The following NOX4 variants were observed in gnomAD, a reference collection of about 807,000 sequenced individuals.
The protein encoded by NOX4 is kidney oxidase-1.
Under a neutral mutation model 87.6 loss-of-function variants are expected in NOX4, and 69 were observed. The ratio of observed to expected loss-of-function variants is 0.79; its 90% CI spans 0.65 to 0.96. The LOEUF (loss-of-function observed/expected upper bound fraction) is 0.96, where lower values mean the gene tolerates loss of function less well. Among genes scored for constraint, NOX4 ranks in the 40% least tolerant of loss-of-function variants. NOX4 has a pLI of 0.00. For missense variants in NOX4, 680 were observed against 681.5 expected (o/e 1.00, Z 0.02); for synonymous variants, 275 against 238.2 (o/e 1.15, Z -1.42).
At chr11:89,470,800 C>A (rs1302396762) in intron 2 of NOX4, among the ~76,000 whole-genome samples, 1 of 152,144 alleles carries the variant, frequency 6.6e-6, no homozygotes, top group Non-Finnish European at 1.5e-5. Flanking sequence ...TACTTGGCTA[C>A]ATATACTTTT....
intron 12 of NOX4, among the ~76,000 whole-genome samples, chr11:89,356,429 GA>G (rs773039400): frequency 5.1e-5 from 5 of 97,426 alleles, no homozygotes; most frequent in East Asian, 3.3e-4. Flanking sequence ...GAGGAAGGGG[GA>G]AAAAAAAAGG....
At chr11:89,504,389 A>C in the NOX4 span, among the ~76,000 whole-genome samples, 2 of 151,930 alleles carry the variant, frequency 1.3e-5, no homozygotes, top group African/African-American at 4.8e-5. Flanking sequence ...GACATGTTTT[A>C]AGTAGGGATG....
At chr11:89,478,491 T>C (rs1221107690) in intron 2 of NOX4, among the ~76,000 whole-genome samples, 1 of 152,208 alleles carries the variant, frequency 6.6e-6, no homozygotes, top group Non-Finnish European at 1.5e-5. Flanking sequence ...TGTCGACTTT[T>C]CACAAATATT....
At chr11:89,462,314 C>G (rs960739442) in intron 2 of NOX4, among the ~76,000 whole-genome samples, 2 of 152,048 alleles carry the variant, frequency 1.3e-5, no homozygotes. Context: ...TTTACAAACT[C>G]GATGTAACTC....
chr11:89,337,874 T>C (rs1182412805), intron 15 of NOX4, among the ~76,000 whole-genome samples: 1 of 152,038 alleles, frequency 6.6e-6, no homozygotes, highest in African/African-American at 2.4e-5. Flanking sequence ...AGTTTACTCA[T>C]CAAGAACATG....
intron 12 of NOX4, among the ~76,000 whole-genome samples, chr11:89,365,217 T>A (rs1393134573): frequency 6.6e-6 from 1 of 152,100 alleles, no homozygotes; most frequent in Non-Finnish European, 1.5e-5. Context: ...GATCCTTTTA[T>A]TTCCAGGGGG....
intron 8 of NOX4, among the ~76,000 whole-genome samples, chr11:89,416,080 C>G (rs1256230843): frequency 6.6e-6 from 1 of 152,144 alleles, no homozygotes; most frequent in East Asian, 1.9e-4. Flanking sequence ...AAACTTTCCC[C>G]ACTGCCTAGG....
At chr11:89,520,113 C>G in the NOX4 span, among the ~76,000 whole-genome samples, 5 of 151,752 alleles carry the variant, frequency 3.3e-5, no homozygotes, top group Non-Finnish European at 1.5e-5. Context: ...CCCATTAGAA[C>G]TGAAAAGGGT....
chr11:89,390,738 T>G (rs1174082662), intron 11 of NOX4, among the ~76,000 whole-genome samples: 1 of 152,188 alleles, frequency 6.6e-6, no homozygotes, highest in Non-Finnish European at 1.5e-5. Context: ...GACTTCATCA[T>G]AGACCAGATA....
At chr11:89,579,278 G>C in the NOX4 span, among the ~76,000 whole-genome samples, 1 of 152,110 alleles carries the variant, frequency 6.6e-6, no homozygotes, top group African/African-American at 2.4e-5. Flanking sequence ...ACAACACCAA[G>C]AGTAAATCCT....
At chr11:89,402,657 A>C in intron 8 of NOX4, 115 bp from the exon 9 acceptor site, 1 of 785,866 alleles carries the variant, frequency 1.3e-6, no homozygotes, top group South Asian at 1.7e-5. Context: ...TTTACACAGC[A>C]TTTATCCAAA....
chr11:89,366,539 G>T (rs1939004521), intron 12 of NOX4, among the ~76,000 whole-genome samples: 1 of 151,732 alleles, frequency 6.6e-6, no homozygotes, highest in African/African-American at 2.4e-5. Context: ...AGCCAGGCAT[G>T]GTGGTCTGAG....
At chr11:89,423,034 G>A (rs568906133) in intron 7 of NOX4, among the ~76,000 whole-genome samples, 1 of 151,918 alleles carries the variant, frequency 6.6e-6, no homozygotes, top group Admixed American at 6.6e-5. Flanking sequence ...TCCTGACCTC[G>A]TGATCCACCT....
chr11:89,366,373 T>C (rs970145891), intron 12 of NOX4, among the ~76,000 whole-genome samples: 1 of 152,026 alleles, frequency 6.6e-6, no homozygotes. Flanking sequence ...TTGTTTATTT[T>C]CAAAACTAAA....
chr11:89,440,668 G>A lies in NOX4; in HGVS notation c.475+20C>T, dbSNP rs1052237943. ...AAGATGTTCCTAAACCTAAAGAAAA[G>A]GCTAAGAATAACAACTTACCAGTTG... On this transcript the variant is annotated intron_variant, in intron 6 of 17. Coordinates refer to ENST00000263317, the MANE Select transcript of NOX4 (RefSeq NM_016931.5). 1.3e-6 allele frequency: 2 copies of A among 1,526,752 alleles called. No homozygotes were observed. Among genetic ancestry groups the A allele is most frequent in the Non-Finnish European group, 1.8e-6 (2 of 1,119,758 alleles). 94.6% of individuals were successfully genotyped at this position (1,526,752 alleles called of 1,614,324 possible). A position where few individuals can be genotyped will look rare whatever the true frequency, so the allele number is the denominator to read the frequency against.
At chr11:89,575,103 A>C in the NOX4 span, among the ~76,000 whole-genome samples, 3 of 152,216 alleles carry the variant, frequency 2.0e-5, no homozygotes, top group East Asian at 5.8e-4. Flanking sequence ...GAATTGCTTA[A>C]ACCCAGGAGT....
At chr11:89,385,526 C>T (rs1201279179) in intron 11 of NOX4, among the ~76,000 whole-genome samples, 3 of 152,194 alleles carry the variant, frequency 2.0e-5, no homozygotes, top group African/African-American at 7.2e-5. Flanking sequence ...GCCTCATAGG[C>T]TCATTCTATT....
rs1238838132 is a variant in NOX4 at position 89,421,923 on chromosome 11, A to G, written c.608T>C (p.Leu203Pro). Residue 203 changes from leucine to proline, a missense_variant, in exon 8 of 18, where the codon CTG becomes CCG. Leu to Pro is a moderately conservative substitution (Grantham distance 98). Transcript: ENST00000263317. ...THNLFFVFYMLLTLHVSGGLL... is the reference protein window; with the variant it reads ...THNLFFVFYMPLTLHVSGGLL... ...TTACCCTGAAACATGCAACGTCAGC[A>G]GCATGTAGAAGACAAAGAAGAGGTT... 6 of 1,571,292 alleles carry G rather than the reference A, an allele frequency of 3.8e-6. No individual in the cohort carries two copies. The highest frequency in any genetic ancestry group is 1.4e-5 in the African/African-American group (1 of 72,080).
intron 7 of NOX4, among the ~76,000 whole-genome samples, chr11:89,428,231 G>C (rs1241761968): frequency 6.6e-6 from 1 of 152,096 alleles, no homozygotes; most frequent in Non-Finnish European, 1.5e-5. Flanking sequence ...ACTAAACATG[G>C]AAAGGAACAA....
Sources: gnomAD v4.1 joint callset for allele counts (sites outside exome capture counted in the v4.1 genomes callset) on GRCh38, gnomAD v4.1.1 for gene constraint, MANE v1.5 for transcripts, NCBI Gene and HGNC (gene_info 2026-07-23, HGNC 2026-07-21) for gene names.